TLL1: variants seen among roughly 807,000 people sequenced by gnomAD.
TLL1 encodes the protein tolloid-like protein 1.
A neutral mutation model predicts 128.2 loss-of-function variants in TLL1; 49 were observed. That is an observed-to-expected ratio of 0.38 (90% CI 0.30 to 0.48). The LOEUF is 0.48. TLL1 is among the 20% of genes least tolerant of loss of function. The pLI is 0.96. For synonymous variants in TLL1, 454 were observed against 418.8 expected (o/e 1.08, Z -1.03); for missense variants, 1,123 against 1,242.0 (o/e 0.90, Z 1.44).
At chr4:166,084,306 C>A (rs969487773) in intron 18 of TLL1, among the ~76,000 whole-genome samples, 1 of 151,996 alleles carries the variant, frequency 6.6e-6, no homozygotes, top group Non-Finnish European at 1.5e-5. Flanking sequence ...ATGTATGGTT[C>A]ATAAATATTT....
At chr4:165,989,061 T>G (rs978366397) in intron 1 of TLL1, among the ~76,000 whole-genome samples, 1 of 152,136 alleles carries the variant, frequency 6.6e-6, no homozygotes, top group Non-Finnish European at 1.5e-5. Context: ...TTATCCGATT[T>G]TCAGATATTT....
At chr4:166,065,654 T>A (rs372406644) in intron 15 of TLL1, 29 bp from the exon 16 acceptor site, 3 of 1,610,246 alleles carry the variant, frequency 1.9e-6, no homozygotes, top group East Asian at 2.2e-5. Flanking sequence ...CTCACAAATC[T>A]GGCAACTGAT....
intron 1 of TLL1, among the ~76,000 whole-genome samples, chr4:165,934,872 A>G (rs1378002833): frequency 6.6e-6 from 1 of 152,222 alleles, no homozygotes; most frequent in Admixed American, 6.5e-5. Context: ...CCAATCATAG[A>G]AATTGGAGTA....
Position 166,057,185 on chromosome 4 carries a change from G to T in TLL1, c.1722G>T (p.Glu574Asp), listed in dbSNP as rs202156009. 2.5e-6 allele frequency: 4 copies of T among 1,613,760 alleles called. No homozygotes were observed. The East Asian group carries it at 8.9e-5, about 36-fold the overall frequency. ...KAGFAANFFK[E>D]EDECAKPDRG... Reference sequence around the variant, plus strand: ...CTATAACTATGACCATTTTCATAGAGGAAGATGAGTGTGCCAAACCTGACC... The same window carrying T: ...CTATAACTATGACCATTTTCATAGATGAAGATGAGTGTGCCAAACCTGACC... Residue 574 changes from glutamate to aspartate, a missense_variant and splice_region_variant, in exon 14 of 21, where the codon GAG becomes GAT. Coordinates refer to ENST00000061240, the MANE Select transcript of TLL1 (RefSeq NM_012464.5).
chr4:166,092,423 T>C (rs1741817571), intron 19 of TLL1, among the ~76,000 whole-genome samples: 1 of 152,068 alleles, frequency 6.6e-6, no homozygotes, highest in African/African-American at 2.4e-5. Flanking sequence ...ATTAATTGCT[T>C]CTTATGATTA....
rs780001007 is a variant in TLL1, at chr4:165,994,431, G to A, written c.412G>A (p.Gly138Arg). The change falls in exon 4 of 21, where the codon GGG (glycine) becomes AGG (arginine). Residue 138 changes from glycine to arginine, a missense_variant. Gly to Arg is a moderately radical substitution (Grantham distance 125). Around this residue, in one of 3 missense-constraint regions of TLL1, gnomAD observed 480 missense variants for 542.4 expected, o/e 0.89. Coordinates refer to ENST00000061240, the MANE Select transcript of TLL1 (RefSeq NM_012464.5). Reference sequence around the variant, plus strand: ...GGGAAAAGTACCTCTACAATTCTCAGGGCAAAATGAGAAAAATCGAGTTCC... The same window carrying A: ...GGGAAAAGTACCTCTACAATTCTCAAGGCAAAATGAGAAAAATCGAGTTCC... ...VKGKVPLQFS[G>R]QNEKNRVPRA... 3.0e-5 allele frequency: 48 copies of A among 1,613,950 alleles called. No homozygotes were observed. The highest frequency in any genetic ancestry group is 3.9e-5 in the Non-Finnish European group (46 of 1,179,946).
chr4:165,921,140 C>T (rs1002043873), intron 1 of TLL1, among the ~76,000 whole-genome samples: 1 of 152,140 alleles, frequency 6.6e-6, no homozygotes, highest in Non-Finnish European at 1.5e-5. Context: ...TGCCTACCCT[C>T]CTGGGTTGTT....
intron 1 of TLL1, among the ~76,000 whole-genome samples, chr4:165,979,950 A>T (rs1736075081): frequency 6.6e-6 from 1 of 152,148 alleles, no homozygotes; most frequent in Non-Finnish European, 1.5e-5. Flanking sequence ...TGACTGTATT[A>T]ACATGGATAA....
Position 165,930,197 on chromosome 4 carries a change from AG to A in TLL1, c.169+56125del, listed in dbSNP as rs1361351533. On this transcript the variant is annotated intron_variant, in intron 1 of 20. Coordinates refer to ENST00000061240, the MANE Select transcript of TLL1 (RefSeq NM_012464.5). ...ATTCTCCCAGAAATCACTGGAGCTC[AG>A]CTGGCTTTATTAGCCTGGTGAGAGG... is the stretch of plus-strand genomic sequence containing the variant. 7.9e-5 allele frequency among the ~76,000 whole-genome samples: 12 copies of A among 152,334 alleles called. No individual in the cohort carries two copies. The East Asian group carries it at 2.3e-3, about 29-fold the overall frequency.
chr4:166,032,112 TAATC>T (rs1167928136), intron 9 of TLL1, among the ~76,000 whole-genome samples: 1 of 152,030 alleles, frequency 6.6e-6, no homozygotes, highest in South Asian at 2.1e-4. Context: ...AAAATCAAAA[TAATC>T]AACCAAAATT....
chr4:165,954,960 G>T (rs1322046534), intron 1 of TLL1, among the ~76,000 whole-genome samples: 1 of 152,072 alleles, frequency 6.6e-6, no homozygotes, highest in Non-Finnish European at 1.5e-5. Flanking sequence ...TTCCTAACCA[G>T]ACTGAAATGG....
At chr4:166,033,138 C>T (rs1364405938) in intron 9 of TLL1, among the ~76,000 whole-genome samples, 1 of 151,974 alleles carries the variant, frequency 6.6e-6, no homozygotes, top group Non-Finnish European at 1.5e-5. Flanking sequence ...TTAAAATAAC[C>T]TTTTAGAAGC....
intron 12 of TLL1, chr4:166,053,151 A>G (rs1376264452): frequency 6.6e-6 from 1 of 151,702 alleles, no homozygotes; most frequent in Non-Finnish European, 1.5e-5. Flanking sequence ...AAAGTATCCA[A>G]TGAGCACCTA....
At chr4:166,054,492 G>A (rs1739907098) in intron 12 of TLL1, among the ~76,000 whole-genome samples, 1 of 151,738 alleles carries the variant, frequency 6.6e-6, no homozygotes, top group South Asian at 2.1e-4. Context: ...GTATACATGT[G>A]CCATGCTGGT....
In TLL1 at chr4:166,103,917, T is replaced by C. The variant is rs1302645426; in HGVS notation, c.*3041T>C. The C allele has an allele frequency of 4.0e-5, 6 of 151,840 alleles. No homozygotes were observed. Among genetic ancestry groups the C allele is most frequent in the Non-Finnish European group, 1.5e-5 (1 of 67,864 alleles). 9.4% of individuals were successfully genotyped at this position (151,840 alleles called of 1,614,324 possible). On this transcript the variant is annotated 3_prime_UTR_variant, in exon 21 of 21. Transcript: ENST00000061240. ...AGTCAATTTTGAAAATAACTGTATTTTATTAAGGAGATCGTGACTTAACTT... is the reference window on the plus strand; with the variant it reads ...AGTCAATTTTGAAAATAACTGTATTCTATTAAGGAGATCGTGACTTAACTT...
chr4:166,019,830 A>C (rs930467593), intron 8 of TLL1, among the ~76,000 whole-genome samples: 7 of 152,338 alleles, frequency 4.6e-5, no homozygotes, highest in Middle Eastern at 6.8e-3. Context: ...AATACCTTGT[A>C]ATACATTCTT....
At chr4:166,070,668 G>T (rs12648178) in intron 16 of TLL1, among the ~76,000 whole-genome samples, 47,395 of 151,612 alleles carry the variant, frequency 0.31, 7,527 homozygotes, top group East Asian at 0.42. Flanking sequence ...TGTAACAAAT[G>T]GAGGAGTCAC....
chr4:165,891,686 G>A (rs952068373), intron 1 of TLL1, among the ~76,000 whole-genome samples: 9 of 152,068 alleles, frequency 5.9e-5, no homozygotes, highest in African/African-American at 1.9e-4. Context: ...TGTCCATATG[G>A]CTATCAGTAT....
Position 166,057,655 on chromosome 4 carries a change from A to T in TLL1, c.1846+346A>T, listed in dbSNP as rs528162329. On this transcript the variant is annotated intron_variant, in intron 14 of 20. Transcript: ENST00000061240. ...TTTGTAATAGAAAGAGATTTAATGGACTCACAGTTCCACATGGCTGGTGAG... is the reference window on the plus strand; with the variant it reads ...TTTGTAATAGAAAGAGATTTAATGGTCTCACAGTTCCACATGGCTGGTGAG... Among the ~76,000 whole-genome samples the T allele has an allele frequency of 2.0e-5, 3 of 152,202 alleles. No homozygotes were observed. In the South Asian group the frequency reaches 6.2e-4, roughly 32 times the overall value.
Sources: allele counts gnomAD v4.1 joint callset (sites outside exome capture counted in the v4.1 genomes callset), GRCh38; gene constraint gnomAD v4.1.1; regional missense constraint gnomAD v4.1.1; transcripts MANE v1.5; gene names NCBI Gene and HGNC (gene_info 2026-07-23, HGNC 2026-07-21).